Variants in IL22 observed in about 807,000 individuals in gnomAD.
IL22 encodes the protein interleukin 22, also known as interleukin-22.
Under a neutral mutation model 15.5 loss-of-function variants are expected in IL22, and 15 were observed. That is an observed-to-expected ratio of 0.97 (90% CI 0.65 to 1.49). The LOEUF (loss-of-function observed/expected upper bound fraction) is 1.49. Ranked by LOEUF, IL22 falls within the 40% of genes most tolerant of loss-of-function variation. The pLI is 0.00. For synonymous variants in IL22, 91 were observed against 82.0 expected, an observed-to-expected ratio of 1.11 and a Z score of -0.60; for missense variants, 225 against 215.4, an observed-to-expected ratio of 1.04 and a Z score of -0.28.
intron 5 of IL22, among the ~76,000 whole-genome samples, chr12:68,251,000 G>T (rs1179249): frequency 0.083 from 12,654 of 152,208 alleles, 816 homozygotes; most frequent in East Asian, 0.32. Flanking sequence ...TGCAAGTCCA[G>T]CTCTTTTCTC....
intron 5 of IL22, 53 bp downstream of exon 5, chr12:68,251,460 C>A: frequency 7.7e-7 from 1 of 1,298,720 alleles, no homozygotes; most frequent in African/African-American, 1.5e-5. Flanking sequence ...GAAAGAAAAA[C>A]AACATTTGTC....
At chr12:68,251,799 T>C (rs1869941080) in intron 4 of IL22, among the ~76,000 whole-genome samples, 1 of 152,172 alleles carries the variant, frequency 6.6e-6, no homozygotes, top group African/African-American at 2.4e-5. Context: ...CTCTTCATCT[T>C]TGGGAAATCC....
chr12:68,250,066 C>T (rs760105015), intron 5 of IL22, among the ~76,000 whole-genome samples: 9 of 152,166 alleles, frequency 5.9e-5, no homozygotes, highest in Non-Finnish European at 1.3e-4. Context: ...ACAGTTTCTC[C>T]TCCTGTTGAT....
chr12:68,252,674 G>C (rs764334512), intron 3 of IL22, 27 bp from the exon 4 acceptor site: 2 of 1,613,822 alleles, frequency 1.2e-6, no homozygotes, highest in Non-Finnish European at 1.7e-6. Flanking sequence ...AACAGAAAGG[G>C]TCATAAGGGA....
In IL22 at chr12:68,253,483, G is replaced by A; in HGVS notation, c.-35C>T. 2 of 1,503,172 alleles carry A rather than the reference G, an allele frequency of 1.3e-6. No homozygotes were observed. Among genetic ancestry groups the A allele is most frequent in the Non-Finnish European group, 1.8e-6 (2 of 1,112,564 alleles). The allele number at this position is 1,503,172 out of a possible 1,614,324, so 93.1% of individuals were successfully genotyped here. On this transcript the variant is annotated 5_prime_UTR_variant, in exon 2 of 6. Coordinates refer to ENST00000538666, the MANE Select transcript of IL22 (RefSeq NM_020525.5). ...TTCTAACTCGAGCAACTGGTGACTGGGGAAGGAGAACCTGGTCGAAGACAA... is the reference window on the plus strand; with the variant it reads ...TTCTAACTCGAGCAACTGGTGACTGAGGAAGGAGAACCTGGTCGAAGACAA...
At chr12:68,250,600 T>A (rs995298345) in intron 5 of IL22, among the ~76,000 whole-genome samples, 1 of 152,238 alleles carries the variant, frequency 6.6e-6, no homozygotes. Context: ...TCACTGCTCC[T>A]AATCATTCCT....
intron 4 of IL22, 61 bp downstream of exon 4, chr12:68,252,443 G>A: frequency 6.4e-7 from 1 of 1,567,376 alleles, no homozygotes; most frequent in Non-Finnish European, 8.8e-7. Context: ...TTGGGGTAAG[G>A]GGGTCTCTGT....
intron 5 of IL22, among the ~76,000 whole-genome samples, chr12:68,251,164 A>C (rs1361459923): frequency 6.6e-6 from 1 of 152,200 alleles, no homozygotes; most frequent in African/African-American, 2.4e-5. Context: ...TTCCCTAAGA[A>C]TTAATGGTAC....
At chr12:68,253,112 C>T in intron 2 of IL22, 151 bp downstream of exon 2, 1 of 648,324 alleles carries the variant, frequency 1.5e-6, no homozygotes, top group African/African-American at 1.9e-5. Flanking sequence ...AGCCAGATTC[C>T]CAAAGAGTCT....
intron 2 of IL22, among the ~76,000 whole-genome samples, 159 bp downstream of exon 2, chr12:68,253,104 C>G (rs746997689): frequency 7.0e-6 from 1 of 142,398 alleles, no homozygotes; most frequent in Non-Finnish European, 1.5e-5. Flanking sequence ...AAAAAAAAAG[C>G]CAGATTCCCA....
Position 68,253,133 on chromosome 12 carries a change from A to G in IL22, c.186+130T>C. Reference sequence around the variant, plus strand: ...ATTCCCAAAGAGTCTCTGAAAAAACAGAAAATTTATCTACCCTCAGGGATA... The same window carrying G: ...ATTCCCAAAGAGTCTCTGAAAAAACGGAAAATTTATCTACCCTCAGGGATA... On this transcript the variant is annotated intron_variant, in intron 2 of 5. Transcript: ENST00000538666. The G allele has an allele frequency of 3.9e-6, 3 of 774,802 alleles. No individual in the cohort carries two copies. In the East Asian group the frequency reaches 8.9e-5, roughly 23 times the overall value. 48.0% of individuals were successfully genotyped at this position (774,802 alleles called of 1,614,324 possible). A position where few individuals can be genotyped will look rare whatever the true frequency, so the allele number is the denominator to read the frequency against.
chr12:68,251,362 A>T, intron 5 of IL22, 151 bp downstream of exon 5: 1 of 627,532 alleles, frequency 1.6e-6, no homozygotes, highest in Non-Finnish European at 2.9e-6. Context: ...AGATATATAG[A>T]TATATCTACA....
intron 2 of IL22, 149 bp downstream of exon 2, chr12:68,253,114 A>G: frequency 1.5e-6 from 1 of 652,092 alleles, no homozygotes; most frequent in Non-Finnish European, 2.5e-6. Flanking sequence ...CCAGATTCCC[A>G]AAGAGTCTCT....
chr12:68,248,791 T>G lies in IL22; in HGVS notation c.*8A>C, dbSNP rs1486774122. 6.2e-7 allele frequency: 1 copy of G among 1,609,162 alleles called. No individual in the cohort carries two copies. The highest frequency in any genetic ancestry group is 8.5e-7 in the Non-Finnish European group (1 of 1,176,142). Reference sequence around the variant, plus strand: ...GGGTTAGTTATTCATTTTTCAGCTTTGCTCTGGTCAAATGCAGGCATTTCT... The same window carrying G: ...GGGTTAGTTATTCATTTTTCAGCTTGGCTCTGGTCAAATGCAGGCATTTCT... On this transcript the variant is annotated 3_prime_UTR_variant, in exon 6 of 6. Coordinates refer to ENST00000538666, the MANE Select transcript of IL22 (RefSeq NM_020525.5).
intron 5 of IL22, among the ~76,000 whole-genome samples, chr12:68,249,221 T>C (rs1208651017): frequency 6.6e-6 from 1 of 152,214 alleles, no homozygotes; most frequent in Non-Finnish European, 1.5e-5. Flanking sequence ...CCATTATGCC[T>C]TGGCCTGTTT....
At chr12:68,248,985 A>G in intron 5 of IL22, 109 bp from the exon 6 acceptor site, 2 of 847,662 alleles carry the variant, frequency 2.4e-6, no homozygotes, top group Non-Finnish European at 3.9e-6. Flanking sequence ...CCGAGTTTTA[A>G]GCATTTGTAA....
At position 68,253,382 on chromosome 12, in the gene IL22, G is replaced by A. The variant is rs1870009545; in HGVS notation, c.67C>T (p.Leu23Phe). Reference protein sequence around the residue: ...MGTLATSCLLLLALLVQGGAA... With the variant: ...MGTLATSCLLFLALLVQGGAA... Reference sequence around the variant, plus strand: ...CCTCCCTGTACCAAGAGGGCCAAGAGAAGGAGGCAGCTGGTGGCCAGGGTC... The same window carrying A: ...CCTCCCTGTACCAAGAGGGCCAAGAAAAGGAGGCAGCTGGTGGCCAGGGTC... Residue 23 changes from leucine (L) to phenylalanine (F), a missense_variant, in exon 2 of 6, where the codon CTC becomes TTC. Physicochemically the swap from Leu to Phe is conservative, Grantham distance 22. Coordinates refer to ENST00000538666, the MANE Select transcript of IL22 (RefSeq NM_020525.5). 6.2e-7 allele frequency: 1 copy of A among 1,613,564 alleles called. No individual in the cohort carries two copies. The highest frequency in any genetic ancestry group is 1.7e-5 in the Admixed American group (1 of 60,010).
chr12:68,249,470 A>G (rs890368724), intron 5 of IL22, among the ~76,000 whole-genome samples: 1 of 152,190 alleles, frequency 6.6e-6, no homozygotes, highest in African/African-American at 2.4e-5. Flanking sequence ...AAATGATTGG[A>G]CACTCCTGAT....
chr12:68,252,132 C>T lies in IL22; in HGVS notation c.396+372G>A, dbSNP rs112508009. On this transcript the variant is annotated intron_variant, in intron 4 of 5. Transcript: ENST00000538666. The stretch of plus-strand genomic sequence containing the variant: ...GCCTTCCCATTTCCCACTTTCTCTT[C>T]TAATTTCTCTCCATGCCATCCCCTC... Among the ~76,000 whole-genome samples, 221 of 152,288 alleles carry T rather than the reference C, an allele frequency of 1.5e-3. 1 individual carries two copies. Among genetic ancestry groups the T allele is most frequent in the African/African-American group, 4.6e-3 (192 of 41,566 alleles).
Sources: allele counts gnomAD v4.1 joint callset (sites outside exome capture counted in the v4.1 genomes callset), GRCh38; gene constraint gnomAD v4.1.1; transcripts MANE v1.5; gene names NCBI Gene and HGNC (gene_info 2026-07-23, HGNC 2026-07-21).